Variants in TPO observed in about 807,000 individuals in gnomAD.
The protein encoded by TPO is thyroid peroxidase.
A neutral mutation model predicts 96.9 loss-of-function variants in TPO; 78 were observed. The ratio of observed to expected loss-of-function variants is 0.81; its 90% CI spans 0.67 to 0.97. TPO has a LOEUF of 0.97. Among genes scored for constraint, TPO ranks in the 50% least tolerant of loss-of-function variants. The probability of loss-of-function intolerance (pLI) is 0.00; values close to 1 mark genes in which losing one functional copy is unlikely to be tolerated. For missense variants in TPO, 1,252 were observed against 1,274.8 expected (o/e 0.98, Z 0.27); for synonymous variants, 547 against 538.0 (o/e 1.02, Z -0.23).
intron 14 of TPO, among the ~76,000 whole-genome samples, chr2:1,511,088 G>C (rs186203867): frequency 7.9e-5 from 12 of 152,298 alleles, no homozygotes; most frequent in Non-Finnish European, 1.5e-4. Flanking sequence ...TATAATTATA[G>C]AGGGAGCTCT....
intron 1 of TPO, among the ~76,000 whole-genome samples, chr2:1,400,451 C>A (rs1662148760): frequency 6.6e-6 from 1 of 151,712 alleles, no homozygotes; most frequent in African/African-American, 2.4e-5. Context: ...TGAGATCACA[C>A]CATTGTACTT....
At chr2:1,521,509 C>A (rs1675262018) in intron 15 of TPO, among the ~76,000 whole-genome samples, 1 of 152,116 alleles carries the variant, frequency 6.6e-6, no homozygotes, top group Non-Finnish European at 1.5e-5. Flanking sequence ...CCCCCAGGGC[C>A]CTCTTTCCCC....
At chr2:1,451,700 A>G (rs1385428780) in intron 5 of TPO, among the ~76,000 whole-genome samples, 1 of 152,242 alleles carries the variant, frequency 6.6e-6, no homozygotes, top group African/African-American at 2.4e-5. Context: ...GGCGTGACTG[A>G]CAGATACCAA....
At chr2:1,529,814 GTGTGCAGCCTCCCCAAATCCCCCCGACGC>G (rs1677626936) in intron 15 of TPO, among the ~76,000 whole-genome samples, 1 of 106,458 alleles carries the variant, frequency 9.4e-6, no homozygotes, top group Non-Finnish European at 1.8e-5. Context: ...CCCTCCCATT[GTGTGCAGCCTCCCCAAATCCCCCCGACGC>G]TGTGCAACCT....
intron 14 of TPO, among the ~76,000 whole-genome samples, chr2:1,507,287 C>A (rs1673570703): frequency 6.6e-6 from 1 of 152,136 alleles, no homozygotes; most frequent in Admixed American, 6.5e-5. Flanking sequence ...GTTACTGTAG[C>A]CTTGTAGTAT....
At chr2:1,438,726 C>A in intron 5 of TPO, 1 of 690,526 alleles carries the variant, frequency 1.4e-6, no homozygotes, top group East Asian at 2.7e-5. Flanking sequence ...GTAGGCCTCA[C>A]ACATGATCTA....
In TPO at chr2:1,542,584, C is replaced by A. The variant is rs1374016383; in HGVS notation, c.*110C>A. 6 of 1,566,472 alleles carry A rather than the reference C, an allele frequency of 3.8e-6. No individual in the cohort carries two copies. The African/African-American group carries it at 4.1e-5, about 11-fold the overall frequency. ...ATCAGCAGGACGACTGTTTTCCCAACACGGGTAAATCTAGTACCATGTCGT... is the reference window on the plus strand; with the variant it reads ...ATCAGCAGGACGACTGTTTTCCCAAAACGGGTAAATCTAGTACCATGTCGT... On this transcript the variant is annotated 3_prime_UTR_variant, in exon 17 of 17. Coordinates refer to ENST00000329066, the MANE Select transcript of TPO (RefSeq NM_001206744.2).
At chr2:1,470,901 T>C (rs1222400651) in intron 7 of TPO, among the ~76,000 whole-genome samples, 1 of 152,222 alleles carries the variant, frequency 6.6e-6, no homozygotes, top group Non-Finnish European at 1.5e-5. Context: ...CATTATTGTG[T>C]GAGCTACACT....
At chr2:1,536,973 C>T (rs1228070192) in intron 15 of TPO, among the ~76,000 whole-genome samples, 4 of 96,680 alleles carry the variant, frequency 4.1e-5, no homozygotes, top group Non-Finnish European at 6.1e-5. Context: ...GTGCAACCCC[C>T]CAATCTCCCC....
intron 14 of TPO, among the ~76,000 whole-genome samples, chr2:1,507,345 T>A (rs1421189751): frequency 2.6e-5 from 4 of 152,198 alleles, no homozygotes; most frequent in African/African-American, 9.7e-5. Context: ...TCTTTTGGCT[T>A]AGGATTGACT....
chr2:1,396,433 G>T (rs1408397732), intron 1 of TPO, among the ~76,000 whole-genome samples: 3 of 152,202 alleles, frequency 2.0e-5, no homozygotes, highest in African/African-American at 7.2e-5. Context: ...AATGTCTTCC[G>T]CAGCTGAGAG....
At chr2:1,516,744 A>G (rs1674753644) in intron 14 of TPO, 139 bp from the exon 15 acceptor site, 8 of 763,500 alleles carry the variant, frequency 1.0e-5, no homozygotes, top group Non-Finnish European at 1.6e-5. Context: ...GGGCAGATAA[A>G]TGTCCCTCCC....
At chr2:1,441,527 T>C (rs1666192608) in intron 5 of TPO, among the ~76,000 whole-genome samples, 1 of 152,174 alleles carries the variant, frequency 6.6e-6, no homozygotes. Context: ...GGTAGTATCA[T>C]TTAAAGGATT....
At chr2:1,403,551 T>G (rs1049969247) in intron 1 of TPO, among the ~76,000 whole-genome samples, 1 of 152,156 alleles carries the variant, frequency 6.6e-6, no homozygotes, top group African/African-American at 2.4e-5. Context: ...AAAAATGCCA[T>G]GCACCGTGGG....
chr2:1,422,399 A>ACCGACCTCGTGCAGGCGCCGCGC (rs1663843466), intron 2 of TPO, among the ~76,000 whole-genome samples: 10 of 68,960 alleles, frequency 1.5e-4, no homozygotes, highest in Admixed American at 2.6e-4. Context: ...GCGCTGGGCC[A>ACCGACCTCGTGCAGGCGCCGCGC]TGGGGAGAGC....
chr2:1,448,811 C>G (rs1038852316), intron 5 of TPO, among the ~76,000 whole-genome samples: 13 of 152,192 alleles, frequency 8.5e-5, no homozygotes, highest in African/African-American at 3.1e-4. Flanking sequence ...AAGGACCTGG[C>G]CCTCGAGGTA....
At chr2:1,455,169 C>T (rs1667671740) in intron 6 of TPO, among the ~76,000 whole-genome samples, 1 of 152,192 alleles carries the variant, frequency 6.6e-6, no homozygotes, top group Admixed American at 6.5e-5. Context: ...ACTTTAAGGA[C>T]CCATGTGACT....
At chr2:1,435,424 T>C (rs1665472116) in intron 4 of TPO, among the ~76,000 whole-genome samples, 1 of 152,226 alleles carries the variant, frequency 6.6e-6, no homozygotes. Context: ...TGAGCATTCA[T>C]GATTGAAAGA....
At chr2:1,420,636 C>T (rs376941595) in intron 2 of TPO, among the ~76,000 whole-genome samples, 121 of 152,214 alleles carry the variant, frequency 7.9e-4, no homozygotes, top group African/African-American at 2.6e-3. Context: ...AAGACCTGCA[C>T]GCAATTCAGT....
Sources: gnomAD v4.1 joint callset for allele counts (sites outside exome capture counted in the v4.1 genomes callset) on GRCh38, gnomAD v4.1.1 for gene constraint, MANE v1.5 for transcripts, NCBI Gene and HGNC (gene_info 2026-07-23, HGNC 2026-07-21) for gene names.